The following NEURL1B variants were observed in gnomAD, a reference collection of about 807,000 sequenced individuals.
The protein encoded by NEURL1B is E3 ubiquitin-protein ligase NEURL1B.
In NEURL1B, 13 loss-of-function variants were observed where a neutral mutation model predicts 37.4. The ratio of observed to expected loss-of-function variants is 0.35; its 90% CI spans 0.23 to 0.55. The LOEUF is 0.55. Ranked by LOEUF, NEURL1B falls within the 20% of genes least tolerant of loss-of-function variation. NEURL1B has a pLI of 0.89. For missense variants in NEURL1B, 790 were observed against 879.2 expected (o/e 0.90, Z 1.28); for synonymous variants, 432 against 426.6 (o/e 1.01, Z -0.16).
At chr5:172,652,361 G>A (rs532194836) in intron 1 of NEURL1B, among the ~76,000 whole-genome samples, 3 of 152,374 alleles carry the variant, frequency 2.0e-5, no homozygotes, top group East Asian at 1.9e-4. Context: ...ATGTACACAA[G>A]CATAACAATT....
chr5:172,643,732 A>G (rs1462733054), intron 1 of NEURL1B, among the ~76,000 whole-genome samples: 1 of 152,186 alleles, frequency 6.6e-6, no homozygotes, highest in Non-Finnish European at 1.5e-5. Context: ...CTTGCCCTGT[A>G]GAATCCTTGT....
chr5:172,672,860 G>A (rs1215473168), intron 2 of NEURL1B, among the ~76,000 whole-genome samples: 1 of 152,098 alleles, frequency 6.6e-6, no homozygotes, highest in East Asian at 1.9e-4. Context: ...GAGATAATGG[G>A]TGAATTTTAC....
rs1757573741 is a variant in NEURL1B, at chr5:172,647,037, A to G, written c.31+5600A>G. The stretch of plus-strand genomic sequence containing the variant: ...CAGCTGCCACACTCCCAACCGGGAT[A>G]ATGTGCTGTGTTTGCCAGCAGGGGC... On this transcript the variant is annotated intron_variant, in intron 1 of 4. Transcript: ENST00000369800. The surrounding 1 kb of genome is among the most constrained non-coding windows in gnomAD (Gnocchi z 4.2). Among the ~76,000 whole-genome samples the G allele has an allele frequency of 6.6e-6, 1 of 152,122 alleles. No individual in the cohort carries two copies. The highest frequency in any genetic ancestry group is 1.5e-5 in the Non-Finnish European group (1 of 68,014).
chr5:172,680,298 A>G (rs997934473), intron 2 of NEURL1B, among the ~76,000 whole-genome samples: 1 of 152,144 alleles, frequency 6.6e-6, no homozygotes, highest in African/African-American at 2.4e-5. Flanking sequence ...ATAGCCAGTA[A>G]AAGCCAAAGC....
chr5:172,686,078 G>T lies in NEURL1B; in HGVS notation c.1298-93G>T, dbSNP rs1758488900. Reference sequence around the variant, plus strand: ...GATACCTCTGGTCCTCTCGTTAGACGGGAAAGCTAAGGTGCAAAGCAGTGA... The same window carrying T: ...GATACCTCTGGTCCTCTCGTTAGACTGGAAAGCTAAGGTGCAAAGCAGTGA... On this transcript the variant is annotated intron_variant, in intron 3 of 4. Coordinates refer to ENST00000369800, the MANE Select transcript of NEURL1B (RefSeq NM_001142651.3). The surrounding 1 kb of genome is among the most constrained non-coding windows in gnomAD (Gnocchi z 7.9). The T allele has an allele frequency of 6.9e-7, 1 of 1,453,448 alleles. No individual in the cohort carries two copies. The highest frequency in any genetic ancestry group is 1.3e-5 in the South Asian group (1 of 74,294). The allele number at this position is 1,453,448 out of a possible 1,614,324, so 90.0% of individuals were successfully genotyped here. A position where few individuals can be genotyped will look rare whatever the true frequency, so the allele number is the denominator to read the frequency against.
At chr5:172,680,100 C>A (rs1758319513) in intron 2 of NEURL1B, among the ~76,000 whole-genome samples, 1 of 152,176 alleles carries the variant, frequency 6.6e-6, no homozygotes, top group South Asian at 2.1e-4. Context: ...GCGCTGGGCC[C>A]ACAGTGAGTG....
At chr5:172,643,270 A>G (rs1460352834) in intron 1 of NEURL1B, among the ~76,000 whole-genome samples, 1 of 152,194 alleles carries the variant, frequency 6.6e-6, no homozygotes, top group Non-Finnish European at 1.5e-5. Context: ...CCTGAGTCAC[A>G]TCGGGTGGCA....
At chr5:172,653,437 G>A (rs1481252803) in intron 1 of NEURL1B, among the ~76,000 whole-genome samples, 1 of 152,034 alleles carries the variant, frequency 6.6e-6, no homozygotes, top group African/African-American at 2.4e-5. Context: ...AATTTTTAAT[G>A]TCTGACCATA....
chr5:172,651,728 A>G (rs987620267), intron 1 of NEURL1B, among the ~76,000 whole-genome samples: 1 of 152,200 alleles, frequency 6.6e-6, no homozygotes, highest in Non-Finnish European at 1.5e-5. Context: ...AGTTTATCCA[A>G]TCTACATTTT....
chr5:172,686,678 C>A lies in NEURL1B; in HGVS notation c.1424-3C>A. On this transcript the variant is annotated splice_region_variant and splice_polypyrimidine_tract_variant and intron_variant, in intron 4 of 4. Transcript: ENST00000369800. This position sits in a 1 kb window ranked among gnomAD's most constrained non-coding sequence, Gnocchi z 7.9. ...ACATATGTCCTCTTCTCCCTTTCGG[C>A]AGTGACGGCCCCCAGCTCCCCGCTG... 2 of 1,548,482 alleles carry A rather than the reference C, an allele frequency of 1.3e-6. No individual in the cohort carries two copies. Among genetic ancestry groups the A allele is most frequent in the Non-Finnish European group, 1.7e-6 (2 of 1,144,780 alleles).
At chr5:172,679,149 C>T (rs937136998) in intron 2 of NEURL1B, among the ~76,000 whole-genome samples, 4 of 152,256 alleles carry the variant, frequency 2.6e-5, no homozygotes, top group Non-Finnish European at 4.4e-5. Context: ...CAGAGCTGAA[C>T]GACAACAGCA....
At position 172,687,406 on chromosome 5, in the gene NEURL1B, C is replaced by T. The variant is rs530816386; in HGVS notation, c.*481C>T. The T allele has an allele frequency of 2.5e-5, 4 of 158,716 alleles. No homozygotes were observed. In the East Asian group the frequency reaches 5.5e-4, roughly 22 times the overall value. 9.8% of individuals were successfully genotyped at this position (158,716 alleles called of 1,614,324 possible). A position where few individuals can be genotyped will look rare whatever the true frequency, so the allele number is the denominator to read the frequency against. Reference sequence around the variant, plus strand: ...GACATTGGCATGACTAGAAGTTGTTCACTTTCTGGGGATGGGACATAAGCT... The same window carrying T: ...GACATTGGCATGACTAGAAGTTGTTTACTTTCTGGGGATGGGACATAAGCT... On this transcript the variant is annotated 3_prime_UTR_variant, in exon 5 of 5. Coordinates refer to ENST00000369800, the MANE Select transcript of NEURL1B (RefSeq NM_001142651.3).
intron 2 of NEURL1B, among the ~76,000 whole-genome samples, chr5:172,679,613 G>T (rs1758306060): frequency 6.6e-6 from 1 of 152,236 alleles, no homozygotes; most frequent in South Asian, 2.1e-4. Flanking sequence ...GAGGAACAAA[G>T]CTCCTTCCAC....
intron 1 of NEURL1B, among the ~76,000 whole-genome samples, chr5:172,660,364 A>C (rs909089503): frequency 6.6e-6 from 1 of 152,188 alleles, no homozygotes; most frequent in Non-Finnish European, 1.5e-5. Flanking sequence ...GAGGTCTGCC[A>C]CTTAGGCCTG....
In NEURL1B at chr5:172,686,072, T is replaced by C; in HGVS notation, c.1298-99T>C. On this transcript the variant is annotated intron_variant, in intron 3 of 4. Coordinates refer to ENST00000369800, the MANE Select transcript of NEURL1B (RefSeq NM_001142651.3). This position sits in a 1 kb window ranked among gnomAD's most constrained non-coding sequence, Gnocchi z 7.9. ...CTGGGAGATACCTCTGGTCCTCTCG[T>C]TAGACGGGAAAGCTAAGGTGCAAAG... The C allele has an allele frequency of 7.0e-7, 1 of 1,425,022 alleles. No homozygotes were observed. Among genetic ancestry groups the C allele is most frequent in the Non-Finnish European group, 9.5e-7 (1 of 1,056,596 alleles). 88.3% of individuals were successfully genotyped at this position (1,425,022 alleles called of 1,614,324 possible).
chr5:172,644,276 C>A (rs1284298002), intron 1 of NEURL1B, among the ~76,000 whole-genome samples: 1 of 152,034 alleles, frequency 6.6e-6, no homozygotes, highest in Non-Finnish European at 1.5e-5. Context: ...GTTGAGAAGC[C>A]GAGGCTCAGA....
intron 2 of NEURL1B, among the ~76,000 whole-genome samples, chr5:172,672,302 C>T (rs1758143850): frequency 6.6e-6 from 1 of 152,156 alleles, no homozygotes; most frequent in Admixed American, 6.5e-5. Context: ...CCAGGAGATG[C>T]AGGTTTCTGA....
intron 2 of NEURL1B, among the ~76,000 whole-genome samples, chr5:172,679,269 C>T (rs1758299872): frequency 6.6e-6 from 1 of 152,266 alleles, no homozygotes. Flanking sequence ...CTCACTCCAC[C>T]TCTCAGCGCC....
At position 172,683,173 on chromosome 5, in the gene NEURL1B, T is replaced by C. The variant is rs1188910634; in HGVS notation, c.578-246T>C. 6.6e-6 allele frequency among the ~76,000 whole-genome samples: 1 copy of C among 152,156 alleles called. No homozygotes were observed. The highest frequency in any genetic ancestry group is 1.5e-5 in the Non-Finnish European group (1 of 68,026). ...GAGGCAGGGGAAAAAGGGCCTTATCTGCCGCTCCCAAAGGTAAGAGCATGT... is the reference window on the plus strand; with the variant it reads ...GAGGCAGGGGAAAAAGGGCCTTATCCGCCGCTCCCAAAGGTAAGAGCATGT... On this transcript the variant is annotated intron_variant, in intron 2 of 4. Transcript: ENST00000369800. This position sits in a 1 kb window ranked among gnomAD's most constrained non-coding sequence, Gnocchi z 5.6.
Sources: allele counts gnomAD v4.1 joint callset (sites outside exome capture counted in the v4.1 genomes callset), GRCh38; gene constraint gnomAD v4.1.1; non-coding constraint Gnocchi (gnomAD v3.1); transcripts MANE v1.5; gene names NCBI Gene and HGNC (gene_info 2026-07-23, HGNC 2026-07-21).